The following RASAL2 variants were observed in gnomAD, a reference collection of about 807,000 sequenced individuals.
The protein encoded by RASAL2 is RAS protein activator like 2, also known as ras GTPase-activating protein nGAP.
Under a neutral mutation model 128.9 loss-of-function variants are expected in RASAL2, and 58 were observed. That is an observed-to-expected ratio of 0.45 (90% CI 0.36 to 0.56). The LOEUF is 0.56. RASAL2 is among the 20% of genes least tolerant of loss of function. RASAL2 has a pLI of 0.00. For missense variants in RASAL2, 1,360 were observed against 1,601.6 expected (o/e 0.85, Z 2.57); for synonymous variants, 561 against 580.8 (o/e 0.97, Z 0.49).
intron 1 of RASAL2, among the ~76,000 whole-genome samples, chr1:178,201,088 G>A (rs954220766): frequency 2.6e-5 from 4 of 152,180 alleles, no homozygotes; most frequent in African/African-American, 9.7e-5. Flanking sequence ...GAAAAAAACT[G>A]CTGAGTTCTC....
chr1:178,465,833 A>G, intron 15 of RASAL2, 87 bp from the exon 16 acceptor site: 1 of 1,068,076 alleles, frequency 9.4e-7, no homozygotes, highest in Non-Finnish European at 1.3e-6. Context: ...AGAAAAAAAG[A>G]AAGAAAGAGA....
intron 1 of RASAL2, among the ~76,000 whole-genome samples, chr1:178,257,423 A>ATGTGTGTGTGTGTGTG (rs71108037): frequency 0.03 from 4,414 of 147,130 alleles, 84 homozygotes; most frequent in Non-Finnish European, 0.039. Context: ...GCTCAGGGAT[A>ATGTGTGTGTGTGTGTG]TGTGTGTGTG....
chr1:178,278,971 C>T (rs1481625886), intron 1 of RASAL2, among the ~76,000 whole-genome samples: 4 of 152,086 alleles, frequency 2.6e-5, no homozygotes, highest in African/African-American at 7.2e-5. Context: ...GTTTCCTTGC[C>T]AAGTAGTTTC....
chr1:178,404,821 G>A (rs1291351761), intron 4 of RASAL2, among the ~76,000 whole-genome samples: 1 of 150,138 alleles, frequency 6.7e-6, no homozygotes, highest in Admixed American at 6.6e-5. Flanking sequence ...AGCCGGGTCT[G>A]CAGGTACATG....
intron 1 of RASAL2, among the ~76,000 whole-genome samples, chr1:178,212,906 A>G (rs1663304305): frequency 6.6e-6 from 1 of 152,222 alleles, no homozygotes; most frequent in African/African-American, 2.4e-5. Flanking sequence ...TCACCAGACA[A>G]TGAAATGATT....
intron 1 of RASAL2, 29 bp from the exon 2 acceptor site, chr1:178,283,535 C>CA: frequency 6.3e-7 from 1 of 1,593,920 alleles, no homozygotes; most frequent in Non-Finnish European, 8.6e-7. Context: ...AATGATTTGT[C>CA]ACTTTTGTTT....
chr1:178,134,917 G>T (rs2102314548), intron 1 of RASAL2, among the ~76,000 whole-genome samples: 1 of 152,306 alleles, frequency 6.6e-6, no homozygotes, highest in South Asian at 2.1e-4. Context: ...TTTGCTCGTT[G>T]ACTTTTGGGA....
chr1:178,110,935 T>A (rs1020319641), intron 1 of RASAL2, among the ~76,000 whole-genome samples: 2 of 152,086 alleles, frequency 1.3e-5, no homozygotes, highest in African/African-American at 4.8e-5. Flanking sequence ...CTACATTTTT[T>A]ATAGTTGTGT....
At chr1:178,366,121 C>A (rs1483805856) in intron 3 of RASAL2, among the ~76,000 whole-genome samples, 1 of 152,048 alleles carries the variant, frequency 6.6e-6, no homozygotes, top group Non-Finnish European at 1.5e-5. Flanking sequence ...AAGAGAATGT[C>A]CTTTGTTTTA....
chr1:178,286,155 C>G (rs962833564), intron 2 of RASAL2, among the ~76,000 whole-genome samples: 10 of 152,124 alleles, frequency 6.6e-5, no homozygotes, highest in Admixed American at 4.6e-4. Flanking sequence ...TTCACTGTGT[C>G]CACTGCAATT....
chr1:178,293,565 A>C (rs12038759), intron 2 of RASAL2, among the ~76,000 whole-genome samples: 38,220 of 152,062 alleles, frequency 0.25, 7,615 homozygotes, highest in African/African-American at 0.56. Flanking sequence ...TTTTCTCCCT[A>C]TTAAGAGGCT....
intron 1 of RASAL2, among the ~76,000 whole-genome samples, chr1:178,164,486 T>TGTGTGTGTGTGTGTGTGTGTGC (rs1661445720): frequency 7.0e-6 from 1 of 143,704 alleles, no homozygotes; most frequent in South Asian, 2.2e-4. Flanking sequence ...AGCATTTGTG[T>TGTGTGTGTGTGTGTGTGTGTGC]GTGTGTGTGT....
rs537726270 is a variant in RASAL2, at chr1:178,103,535, G to T, written c.202+8841G>T. Among the ~76,000 whole-genome samples the T allele has an allele frequency of 1.6e-4, 25 of 152,068 alleles. 1 individual carries two copies. In the South Asian group the frequency reaches 5.0e-3, roughly 30 times the overall value. ...CATAATGAATTATCACGAAATTTTG[G>T]ATCAGACAATCTGAAAGGTAAAAAT... On this transcript the variant is annotated intron_variant, in intron 1 of 17. Transcript: ENST00000367649.
At chr1:178,411,150 T>C (rs902211098) in intron 4 of RASAL2, among the ~76,000 whole-genome samples, 53 of 86,646 alleles carry the variant, frequency 6.1e-4, no homozygotes, top group African/African-American at 2.3e-3. Flanking sequence ...AAAGAAAATG[T>C]GGTGTGTGTG....
At chr1:178,434,426 C>A (rs546636183) in intron 5 of RASAL2, among the ~76,000 whole-genome samples, 1 of 152,210 alleles carries the variant, frequency 6.6e-6, no homozygotes, top group South Asian at 2.1e-4. Context: ...ATTTCTTTAC[C>A]ATGAGTTTCT....
intron 1 of RASAL2, among the ~76,000 whole-genome samples, chr1:178,162,870 C>T (rs1419780612): frequency 6.6e-6 from 1 of 151,276 alleles, no homozygotes; most frequent in Non-Finnish European, 1.5e-5. Context: ...TTGTGAGCCA[C>T]TGTGCCCAGC....
At chr1:178,238,376 T>C (rs1466591956) in intron 1 of RASAL2, among the ~76,000 whole-genome samples, 2 of 152,170 alleles carry the variant, frequency 1.3e-5, no homozygotes, top group African/African-American at 4.8e-5. Flanking sequence ...ACTATGAACA[T>C]TCATGAACAA....
chr1:178,217,920 C>G (rs1443271646), intron 1 of RASAL2, among the ~76,000 whole-genome samples: 1 of 151,814 alleles, frequency 6.6e-6, no homozygotes, highest in Non-Finnish European at 1.5e-5. Context: ...AATTTCTTTC[C>G]AAACTGGAGT....
At chr1:178,464,088 T>A (rs953489396) in intron 14 of RASAL2, among the ~76,000 whole-genome samples, 190 bp from the exon 15 acceptor site, 11 of 152,214 alleles carry the variant, frequency 7.2e-5, no homozygotes, top group African/African-American at 2.7e-4. Flanking sequence ...CAGAATAGTT[T>A]GCACTTATAC....
Sources: allele counts gnomAD v4.1 joint callset (sites outside exome capture counted in the v4.1 genomes callset), GRCh38; gene constraint gnomAD v4.1.1; transcripts MANE v1.5; gene names NCBI Gene and HGNC (gene_info 2026-07-23, HGNC 2026-07-21).